UNC13C: variants seen among roughly 807,000 people sequenced by gnomAD.
The protein encoded by UNC13C is unc-13 homolog C.
Under a neutral mutation model 245.4 loss-of-function variants are expected in UNC13C, and 174 were observed. That is an observed-to-expected ratio of 0.71 (90% CI 0.63 to 0.80). The LOEUF is 0.80. Ranked by LOEUF, UNC13C falls within the 30% of genes least tolerant of loss-of-function variation. The pLI is 0.00. For missense variants in UNC13C, 2,829 were observed against 2,602.9 expected (o/e 1.09, Z -1.89); for synonymous variants, 992 against 895.1 (o/e 1.11, Z -1.93).
intron 8 of UNC13C, among the ~76,000 whole-genome samples, chr15:54,251,702 T>C (rs928594413): frequency 2.0e-5 from 3 of 152,224 alleles, no homozygotes; most frequent in African/African-American, 7.2e-5. Flanking sequence ...TCATATTTTT[T>C]CACATCTAAA....
intron 2 of UNC13C, among the ~76,000 whole-genome samples, chr15:54,111,676 T>C (rs938158206): frequency 3.3e-5 from 5 of 152,188 alleles, no homozygotes; most frequent in Non-Finnish European, 1.5e-5. Flanking sequence ...TCTGGTATAG[T>C]TCATGGGAAT....
chr15:54,577,212 T>G lies in UNC13C; in HGVS notation c.6106+9265T>G, dbSNP rs115759856. On this transcript the variant is annotated intron_variant, in intron 30 of 32. Coordinates refer to ENST00000260323, the MANE Select transcript of UNC13C (RefSeq NM_001080534.3). Reference sequence around the variant, plus strand: ...AAGAGAGAAAAAGACTACTTTTTTTTGGCAAACTCTTGAAATCATGATGTT... The same window carrying G: ...AAGAGAGAAAAAGACTACTTTTTTTGGGCAAACTCTTGAAATCATGATGTT... Among the ~76,000 whole-genome samples, 1,212 of 151,946 alleles carry G rather than the reference T, an allele frequency of 8.0e-3. 19 individuals carry two copies. The highest frequency in any genetic ancestry group is 0.028 in the African/African-American group (1,157 of 41,490).
At chr15:53,865,215 C>T in the UNC13C span, among the ~76,000 whole-genome samples, 1 of 152,162 alleles carries the variant, frequency 6.6e-6, no homozygotes, top group African/African-American at 2.4e-5. Flanking sequence ...ATAGCAAATG[C>T]ATTTGGCCTC....
chr15:54,280,354 T>A (rs1302049737), intron 10 of UNC13C, among the ~76,000 whole-genome samples: 1 of 151,872 alleles, frequency 6.6e-6, no homozygotes, highest in Admixed American at 6.6e-5. Context: ...TACAATACGA[T>A]CCCATATTTG....
At chr15:54,248,440 C>T (rs1032842788) in intron 7 of UNC13C, among the ~76,000 whole-genome samples, 5 of 152,100 alleles carry the variant, frequency 3.3e-5, no homozygotes, top group Admixed American at 6.5e-5. Context: ...AGTGAAGATA[C>T]TCACTATGCT....
At chr15:54,515,358 G>A (rs904178228) in intron 24 of UNC13C, among the ~76,000 whole-genome samples, 3 of 152,052 alleles carry the variant, frequency 2.0e-5, no homozygotes, top group Admixed American at 6.6e-5. Context: ...TTCATTCATT[G>A]GTGAGTGATT....
At chr15:54,483,492 T>G (rs1321284111) in intron 19 of UNC13C, among the ~76,000 whole-genome samples, 1 of 152,078 alleles carries the variant, frequency 6.6e-6, no homozygotes, top group Non-Finnish European at 1.5e-5. Flanking sequence ...CGCTGTTTTC[T>G]TTTCTTTTCT....
chr15:54,006,597 A>T (rs1895147855), intron 1 of UNC13C, among the ~76,000 whole-genome samples: 1 of 152,210 alleles, frequency 6.6e-6, no homozygotes, highest in Non-Finnish European at 1.5e-5. Context: ...TTATATACAC[A>T]TCCTTTTACT....
chr15:54,072,493 G>A (rs894946621), intron 2 of UNC13C, among the ~76,000 whole-genome samples: 6 of 152,120 alleles, frequency 3.9e-5, no homozygotes, highest in Admixed American at 2.0e-4. Flanking sequence ...GGAAAATTGC[G>A]CACATCACCC....
the UNC13C span, among the ~76,000 whole-genome samples, chr15:53,917,291 C>T: frequency 6.6e-6 from 1 of 152,150 alleles, no homozygotes; most frequent in Non-Finnish European, 1.5e-5. Flanking sequence ...CTGAAACCTG[C>T]ATCAGGAGTA....
chr15:54,299,381 T>TA (rs746023936), intron 12 of UNC13C, among the ~76,000 whole-genome samples: 5 of 152,200 alleles, frequency 3.3e-5, no homozygotes, highest in Non-Finnish European at 5.9e-5. Flanking sequence ...CCCTGACTCT[T>TA]ACCATTTTGC....
intron 19 of UNC13C, among the ~76,000 whole-genome samples, chr15:54,487,639 C>T (rs1181285790): frequency 2.0e-5 from 3 of 151,818 alleles, no homozygotes; most frequent in Non-Finnish European, 1.5e-5. Flanking sequence ...TAGTGACACT[C>T]ACCTGTAATC....
At chr15:54,102,109 CACTT>C (rs1273705573) in intron 2 of UNC13C, among the ~76,000 whole-genome samples, 1 of 149,968 alleles carries the variant, frequency 6.7e-6, no homozygotes, top group African/African-American at 2.5e-5. Flanking sequence ...ATAAGTGACT[CACTT>C]ATAATATGAA....
intron 19 of UNC13C, among the ~76,000 whole-genome samples, chr15:54,469,750 C>T (rs934646070): frequency 6.6e-6 from 1 of 151,344 alleles, no homozygotes; most frequent in Non-Finnish European, 1.5e-5. Flanking sequence ...TGGTTGAATC[C>T]ATGATATAAA....
the UNC13C span, among the ~76,000 whole-genome samples, chr15:53,924,206 C>CA: frequency 7.9e-5 from 12 of 151,090 alleles, no homozygotes; most frequent in African/African-American, 2.2e-4. Flanking sequence ...GACTTTATCT[C>CA]AAAAAAACAA....
At chr15:54,304,456 GCC>G (rs1364942354) in intron 13 of UNC13C, among the ~76,000 whole-genome samples, 12 of 151,974 alleles carry the variant, frequency 7.9e-5, no homozygotes, top group African/African-American at 2.9e-4. Flanking sequence ...ATCATGACAA[GCC>G]TAACATTTTT....
chr15:54,579,727 C>G (rs1317110426), intron 30 of UNC13C, among the ~76,000 whole-genome samples: 2 of 152,102 alleles, frequency 1.3e-5, no homozygotes, highest in Non-Finnish European at 2.9e-5. Flanking sequence ...CCACTGCACT[C>G]CAGCCTGGGC....
At chr15:54,106,046 T>C (rs1900428779) in intron 2 of UNC13C, among the ~76,000 whole-genome samples, 1 of 152,216 alleles carries the variant, frequency 6.6e-6, no homozygotes, top group Admixed American at 6.5e-5. Context: ...CAATGAGTGC[T>C]GGAGTCTTCT....
intron 32 of UNC13C, 27 bp from the exon 33 acceptor site, chr15:54,626,801 C>A: frequency 6.3e-7 from 1 of 1,586,166 alleles, no homozygotes. Context: ...AGTTTTTGCT[C>A]AAAATTTGTA....
Sources: allele counts gnomAD v4.1 joint callset (sites outside exome capture counted in the v4.1 genomes callset), GRCh38; gene constraint gnomAD v4.1.1; transcripts MANE v1.5; gene names NCBI Gene and HGNC (gene_info 2026-07-23, HGNC 2026-07-21).